The following ZBTB38 variants were observed in gnomAD, a reference collection of about 807,000 sequenced individuals.
The protein encoded by ZBTB38 is zinc finger and BTB domain-containing protein 38.
A neutral mutation model predicts 76.8 loss-of-function variants in ZBTB38; 20 were observed. The ratio of observed to expected loss-of-function variants is 0.26; its 90% CI spans 0.18 to 0.38. The LOEUF is 0.38. Ranked by LOEUF, ZBTB38 falls within the 10% of genes least tolerant of loss-of-function variation. ZBTB38 has a pLI of 1.00. For synonymous variants in ZBTB38, 504 were observed against 544.2 expected, an observed-to-expected ratio of 0.93 and a Z score of 1.03; for missense variants, 1,082 against 1,482.3, an observed-to-expected ratio of 0.73 and a Z score of 4.43.
chr3:141,377,749 C>A (rs1945591821), intron 2 of ZBTB38, among the ~76,000 whole-genome samples: 1 of 152,178 alleles, frequency 6.6e-6, no homozygotes, highest in Non-Finnish European at 1.5e-5. Flanking sequence ...TACATCCACA[C>A]CTTGAAATAC....
chr3:141,399,786 T>A (rs1951305697), intron 4 of ZBTB38, among the ~76,000 whole-genome samples: 1 of 152,150 alleles, frequency 6.6e-6, no homozygotes, highest in Non-Finnish European at 1.5e-5. Flanking sequence ...TAGTAAGTGT[T>A]AAACTGGCCA....
intron 2 of ZBTB38, among the ~76,000 whole-genome samples, chr3:141,379,886 T>A (rs995269011): frequency 6.6e-6 from 1 of 152,234 alleles, no homozygotes; most frequent in East Asian, 1.9e-4. Context: ...TGCTTAAAAT[T>A]ATATTTAGTT....
chr3:141,340,109 A>G (rs1173245392), intron 1 of ZBTB38, among the ~76,000 whole-genome samples: 1 of 152,208 alleles, frequency 6.6e-6, no homozygotes, highest in East Asian at 1.9e-4. Context: ...AGTGGACGCA[A>G]ACTTAGAGAT....
chr3:141,400,641 G>C (rs1413969825), intron 4 of ZBTB38, among the ~76,000 whole-genome samples: 1 of 152,188 alleles, frequency 6.6e-6, no homozygotes, highest in African/African-American at 2.4e-5. Flanking sequence ...TAGGAACTTA[G>C]AACTCTGAAT....
chr3:141,369,380 T>G (rs566750019), intron 1 of ZBTB38, among the ~76,000 whole-genome samples: 1 of 152,346 alleles, frequency 6.6e-6, no homozygotes, highest in African/African-American at 2.4e-5. Context: ...GAGGACTTAT[T>G]TTCATTCCTA....
Position 141,446,073 on chromosome 3 carries a change from G to T in ZBTB38, c.*97G>T. 2.0e-6 allele frequency: 2 copies of T among 1,024,640 alleles called. No homozygotes were observed. Among genetic ancestry groups the T allele is most frequent in the Non-Finnish European group, 2.6e-6 (2 of 755,866 alleles). The allele number at this position is 1,024,640 out of a possible 1,614,324, so 63.5% of individuals were successfully genotyped here. On this transcript the variant is annotated 3_prime_UTR_variant, in exon 6 of 6. Coordinates refer to ENST00000321464, the MANE Select transcript of ZBTB38 (RefSeq NM_001376113.1). ...ATTTTGTCCATGTGACAGTCATGAAGGAGTGAAATTAAAAAAAAAAAAAAC... is the reference window on the plus strand; with the variant it reads ...ATTTTGTCCATGTGACAGTCATGAATGAGTGAAATTAAAAAAAAAAAAAAC...
chr3:141,443,714 T>A lies in ZBTB38; in HGVS notation c.1326T>A (p.Ser442Arg). The change falls in exon 6 of 6, where the codon AGT becomes AGA. Residue 442 changes from serine (S) to arginine (R), a missense_variant. Ser to Arg is a moderately radical substitution (Grantham distance 110). Transcript: ENST00000321464. The surrounding 1 kb of genome is among the most constrained non-coding windows in gnomAD (Gnocchi z 5.6). Reference sequence around the variant, plus strand: ...TTGGTGAATTTTCCAGTACCGGAAGTACTTTGCCAGACACGGACCACATGG... The same window carrying A: ...TTGGTGAATTTTCCAGTACCGGAAGAACTTTGCCAGACACGGACCACATGG... ...NRIGEFSSTG[S>R]TLPDTDHMVK... 1 of 1,614,034 alleles carries A rather than the reference T, an allele frequency of 6.2e-7. No individual in the cohort carries two copies. The highest frequency in any genetic ancestry group is 8.5e-7 in the Non-Finnish European group (1 of 1,180,036).
chr3:141,346,782 T>TTGTG (rs56345431), intron 1 of ZBTB38, among the ~76,000 whole-genome samples: 54,814 of 144,500 alleles, frequency 0.38, 11,870 homozygotes, highest in East Asian at 0.7. Context: ...TTGTTTTGTT[T>TTGTG]TGTGTGTGTG....
chr3:141,427,445 T>C (rs902375802), intron 5 of ZBTB38, among the ~76,000 whole-genome samples: 1 of 152,182 alleles, frequency 6.6e-6, no homozygotes, highest in Non-Finnish European at 1.5e-5. Context: ...AGAAGCAGCA[T>C]GTGCAAACGC....
At chr3:141,388,748 G>A (rs1007941101) in intron 4 of ZBTB38, 2 of 152,110 alleles carry the variant, frequency 1.3e-5, no homozygotes, top group Non-Finnish European at 2.9e-5. Flanking sequence ...AATCTGAACT[G>A]GTTTTAGATG....
chr3:141,407,966 C>G (rs1430496052), intron 5 of ZBTB38, among the ~76,000 whole-genome samples: 2 of 152,210 alleles, frequency 1.3e-5, no homozygotes, highest in Non-Finnish European at 2.9e-5. Flanking sequence ...GCTGTGTGAT[C>G]ACAGTACTGG....
At chr3:141,357,391 C>G (rs953459665) in intron 1 of ZBTB38, among the ~76,000 whole-genome samples, 4 of 152,144 alleles carry the variant, frequency 2.6e-5, no homozygotes, top group Non-Finnish European at 5.9e-5. Flanking sequence ...GCAAAGAAAT[C>G]TATCAATGAC....
intron 1 of ZBTB38, among the ~76,000 whole-genome samples, chr3:141,352,271 C>T (rs1014762663): frequency 7.9e-5 from 12 of 152,174 alleles, no homozygotes; most frequent in African/African-American, 2.6e-4. Flanking sequence ...GAGAGGGAGA[C>T]GTGTGGCTAT....
chr3:141,424,523 AAAAAAT>A (rs1357927181), intron 5 of ZBTB38, among the ~76,000 whole-genome samples: 5 of 152,210 alleles, frequency 3.3e-5, no homozygotes, highest in African/African-American at 1.2e-4. Flanking sequence ...CTGTCAGTAA[AAAAAAT>A]AAAAATAAAA....
At chr3:141,429,305 G>A (rs1559954730) in intron 5 of ZBTB38, among the ~76,000 whole-genome samples, 2 of 150,538 alleles carry the variant, frequency 1.3e-5, no homozygotes, top group Non-Finnish European at 3.0e-5. Context: ...GAGTGCGGGG[G>A]ACGGCGGCAG....
At chr3:141,329,852 G>A (rs1482812537) in intron 1 of ZBTB38, among the ~76,000 whole-genome samples, 1 of 151,966 alleles carries the variant, frequency 6.6e-6, no homozygotes, top group Non-Finnish European at 1.5e-5. Context: ...AGGGTGGTGA[G>A]GCACGGTGGC....
intron 5 of ZBTB38, among the ~76,000 whole-genome samples, chr3:141,434,512 T>A (rs531154316): frequency 6.6e-6 from 1 of 152,296 alleles, no homozygotes; most frequent in South Asian, 2.1e-4. Context: ...TGAGCATAGA[T>A]TCATTTTCTT....
intron 1 of ZBTB38, among the ~76,000 whole-genome samples, chr3:141,358,015 T>C (rs1250317668): frequency 6.6e-6 from 1 of 152,212 alleles, no homozygotes; most frequent in Non-Finnish European, 1.5e-5. Flanking sequence ...GGGAAGGCTA[T>C]TATGGTAGCC....
At chr3:141,327,584 G>A (rs946781963) in intron 1 of ZBTB38, among the ~76,000 whole-genome samples, 8 of 152,300 alleles carry the variant, frequency 5.3e-5, no homozygotes, top group East Asian at 1.9e-4. Flanking sequence ...CTAAGGAGAC[G>A]TGACAACCAG....
Sources: gnomAD v4.1 joint callset for allele counts (sites outside exome capture counted in the v4.1 genomes callset) on GRCh38, gnomAD v4.1.1 for gene constraint, Gnocchi (gnomAD v3.1) non-coding constraint, MANE v1.5 for transcripts, NCBI Gene and HGNC (gene_info 2026-07-23, HGNC 2026-07-21) for gene names.